CLRN1: variants seen among roughly 807,000 people sequenced by gnomAD.
CLRN1 encodes clarin 1, also known as clarin-1.
A neutral mutation model predicts 18.7 loss-of-function variants in CLRN1; 15 were observed. The ratio of observed to expected loss-of-function variants is 0.80; its 90% confidence interval spans 0.54 to 1.23. The LOEUF is 1.23. CLRN1 is among the 50% of genes most tolerant of loss of function. CLRN1 has a pLI of 0.00. For missense variants in CLRN1, 311 were observed against 277.5 expected, an observed-to-expected ratio of 1.12 and a Z score of -0.86; for synonymous variants, 104 against 102.9, an observed-to-expected ratio of 1.01 and a Z score of -0.07.
chr3:150,972,406 G>A (rs1715580479), intron 1 of CLRN1, 50 bp downstream of exon 1: 1 of 1,613,250 alleles, frequency 6.2e-7, no homozygotes, highest in Non-Finnish European at 8.5e-7. Context: ...CGCAACACTG[G>A]GAAGAGTCTG....
chr3:150,951,911 T>C (rs1462322346), intron 1 of CLRN1, among the ~76,000 whole-genome samples: 1 of 152,142 alleles, frequency 6.6e-6, no homozygotes, highest in African/African-American at 2.4e-5. Flanking sequence ...TCTGCCCCCA[T>C]GACCCAATCA....
chr3:150,952,836 C>A (rs1714561134), intron 1 of CLRN1, among the ~76,000 whole-genome samples: 1 of 152,158 alleles, frequency 6.6e-6, no homozygotes, highest in Non-Finnish European at 1.5e-5. Flanking sequence ...TCATGTGGAG[C>A]AGTTTAATTC....
intron 2 of CLRN1, among the ~76,000 whole-genome samples, chr3:150,935,831 G>A (rs202173952): frequency 0.013 from 1,426 of 108,188 alleles, 30 homozygotes; most frequent in Middle Eastern, 0.047. Flanking sequence ...TTTAATGATT[G>A]CCATTTGAAC....
intron 1 of CLRN1, among the ~76,000 whole-genome samples, chr3:150,962,187 G>T (rs551069180): frequency 5.2e-4 from 79 of 152,276 alleles, no homozygotes; most frequent in African/African-American, 1.9e-3. Flanking sequence ...TAACTCCTGA[G>T]AATGGCTTTG....
Position 150,927,970 on chromosome 3 carries a change from T to A in CLRN1, c.665A>T (p.Glu222Val), listed in dbSNP as rs1336905478. 3.1e-6 allele frequency: 5 copies of A among 1,614,096 alleles called. No homozygotes were observed. Among genetic ancestry groups the A allele is most frequent in the Non-Finnish European group, 4.2e-6 (5 of 1,180,042 alleles). ...QFPFAKSKDAETTNVAADLMY is the reference protein window; with the variant it reads ...QFPFAKSKDAVTTNVAADLMY ...TAGATCTGCAGCTACATTAGTTGTT[T>A]CTGCGTCTTTAGATTTTGCAAAAGG... Residue 222 changes from glutamate (E) to valine (V), a missense_variant, in exon 3 of 3, where the codon GAA (glutamate) becomes GTA (valine). By Grantham distance (121) the Glu-to-Val change is moderately radical. Coordinates refer to ENST00000327047, the MANE Select transcript of CLRN1 (RefSeq NM_174878.3).
At position 150,941,761 on chromosome 3, in the gene CLRN1, A is replaced by C; in HGVS notation, c.254T>G (p.Phe85Cys). 3.7e-6 allele frequency: 6 copies of C among 1,613,848 alleles called. No individual in the cohort carries two copies. The highest frequency in any genetic ancestry group is 5.1e-6 in the Non-Finnish European group (6 of 1,179,790). The change falls in exon 2 of 3, where the codon TTT (phenylalanine) becomes TGT (cysteine). Residue 85 changes from phenylalanine to cysteine, a missense_variant and splice_region_variant. Phe to Cys is a radical substitution (Grantham distance 205, BLOSUM62 -2). Coordinates refer to ENST00000327047, the MANE Select transcript of CLRN1 (RefSeq NM_174878.3). ...GATTGCTTTGAGCAAATCTGGAAAA[A>C]CTGAAGATAAGACAAAACTAGGGTT... ...GLGARPFRFSFFPDLLKAIPV... is the reference protein window; with the variant it reads ...GLGARPFRFSCFPDLLKAIPV...
intron 1 of CLRN1, among the ~76,000 whole-genome samples, chr3:150,946,238 C>CT (rs1358374325): frequency 6.6e-6 from 1 of 152,140 alleles, no homozygotes; most frequent in Non-Finnish European, 1.5e-5. Context: ...AAGCACTTAT[C>CT]TGATTTAATT....
Position 150,964,284 on chromosome 3 carries a change from C to T in CLRN1, c.253+8172G>A, listed in dbSNP as rs147771079. On this transcript the variant is annotated intron_variant, in intron 1 of 2. Coordinates refer to ENST00000327047, the MANE Select transcript of CLRN1 (RefSeq NM_174878.3). ...CACTTCTCAAAAGAAGACATTTATACGGCCAACAAACATGAAAAAAAGCTC... is the reference window on the plus strand; with the variant it reads ...CACTTCTCAAAAGAAGACATTTATATGGCCAACAAACATGAAAAAAAGCTC... 5.5e-3 allele frequency among the ~76,000 whole-genome samples: 831 copies of T among 152,198 alleles called. 7 individuals are homozygous for T. Among genetic ancestry groups the T allele is most frequent in the African/African-American group, 0.019 (781 of 41,536 alleles).
At chr3:150,931,023 A>T (rs1458713267) in intron 2 of CLRN1, among the ~76,000 whole-genome samples, 1 of 152,180 alleles carries the variant, frequency 6.6e-6, no homozygotes, top group Non-Finnish European at 1.5e-5. Context: ...CACGAGGTCA[A>T]CGTTGTCGTT....
intron 1 of CLRN1, among the ~76,000 whole-genome samples, chr3:150,965,505 G>T (rs1212518486): frequency 1.3e-5 from 2 of 151,938 alleles, no homozygotes; most frequent in East Asian, 1.9e-4. Flanking sequence ...CTAATCTTTT[G>T]CCAGTGGCAG....
At chr3:150,969,471 C>A (rs1195279749) in intron 1 of CLRN1, among the ~76,000 whole-genome samples, 1 of 150,522 alleles carries the variant, frequency 6.6e-6, no homozygotes, top group African/African-American at 2.4e-5. Context: ...GGACTACAGG[C>A]GCCCCCGCCA....
intron 2 of CLRN1, among the ~76,000 whole-genome samples, chr3:150,939,368 T>G (rs1713672719): frequency 6.6e-6 from 1 of 152,208 alleles, no homozygotes; most frequent in Non-Finnish European, 1.5e-5. Context: ...CTCAAGATTC[T>G]AGGTTCTGGC....
chr3:150,929,921 T>G (rs1006597328), intron 2 of CLRN1, among the ~76,000 whole-genome samples: 17 of 152,256 alleles, frequency 1.1e-4, no homozygotes, highest in African/African-American at 3.6e-4. Context: ...TGCTTTTTAC[T>G]CTTCAGTTAA....
rs756377014 is a variant in CLRN1, at chr3:150,926,707, T to G, written c.*1229A>C. On this transcript the variant is annotated 3_prime_UTR_variant, in exon 3 of 3. Coordinates refer to ENST00000327047, the MANE Select transcript of CLRN1 (RefSeq NM_174878.3). Reference sequence around the variant, plus strand: ...AACAGTGTTTTATTTTAAGGAGTACTTTCAAACCTATTATATGAGGGCTGC... The same window carrying G: ...AACAGTGTTTTATTTTAAGGAGTACGTTCAAACCTATTATATGAGGGCTGC... The G allele has an allele frequency of 7.4e-7, 1 of 1,347,562 alleles. No homozygotes were observed. The allele number at this position is 1,347,562 out of a possible 1,614,324, so 83.5% of individuals were successfully genotyped here.
intron 2 of CLRN1, among the ~76,000 whole-genome samples, chr3:150,934,036 C>A (rs1713314667): frequency 1.3e-5 from 2 of 152,098 alleles, no homozygotes; most frequent in Admixed American, 1.3e-4. Context: ...GACTGGACAT[C>A]CCTGTGTCTC....
At position 150,941,468 on chromosome 3, in the gene CLRN1, C is replaced by T. The variant is rs943385468; in HGVS notation, c.433+114G>A. 29 of 1,064,156 alleles carry T rather than the reference C, an allele frequency of 2.7e-5. No individual in the cohort carries two copies. In the African/African-American group the frequency reaches 4.6e-4, roughly 17 times the overall value. The allele number at this position is 1,064,156 out of a possible 1,614,324, so 65.9% of individuals were successfully genotyped here. On this transcript the variant is annotated intron_variant, in intron 2 of 2. Coordinates refer to ENST00000327047, the MANE Select transcript of CLRN1 (RefSeq NM_174878.3). ...ACACTTTTTGTTATTATGTATAATA[C>T]TACAGTGTGCATCCATGTATATATG...
chr3:150,945,600 G>A, intron 1 of CLRN1: 2 of 1,287,030 alleles, frequency 1.6e-6, no homozygotes, highest in Non-Finnish European at 2.0e-6. Flanking sequence ...GATCCTGATG[G>A]TGTTTACCAG....
At chr3:150,970,832 G>A (rs975717503) in intron 1 of CLRN1, among the ~76,000 whole-genome samples, 1 of 152,152 alleles carries the variant, frequency 6.6e-6, no homozygotes, top group African/African-American at 2.4e-5. Flanking sequence ...TCCTTAGACA[G>A]GACAAGCATA....
chr3:150,941,693 G>A lies in CLRN1; in HGVS notation c.322C>T (p.Leu108Phe), dbSNP rs144691725. The change falls in exon 2 of 3, where the codon CTT (leucine) becomes TTT (phenylalanine). Residue 108 changes from leucine (L) to phenylalanine (F), a missense_variant. Leu to Phe is a conservative substitution (Grantham distance 22). Coordinates refer to ENST00000327047, the MANE Select transcript of CLRN1 (RefSeq NM_174878.3). The stretch of plus-strand genomic sequence containing the variant: ...GTCCCCACCATGGTTAACACAATAA[G>A]GATGGCAGAGAAGAGAATGACATTG... ...HVNVILFSAI[L>F]IVLTMVGTAF... 73 of 1,614,000 alleles carry A rather than the reference G, an allele frequency of 4.5e-5. No homozygotes were observed. Among genetic ancestry groups the A allele is most frequent in the Admixed American group, 4.3e-4 (26 of 60,008 alleles).
Sources: gnomAD v4.1 joint callset for allele counts (sites outside exome capture counted in the v4.1 genomes callset) on GRCh38, gnomAD v4.1.1 for gene constraint, MANE v1.5 for transcripts, NCBI Gene and HGNC (gene_info 2026-07-23, HGNC 2026-07-21) for gene names.